SIGLECL1: variants seen among roughly 807,000 people sequenced by gnomAD.
SIGLECL1 encodes the protein SIGLEC family-like protein 1.
A neutral mutation model predicts 19.1 loss-of-function variants in SIGLECL1; 16 were observed. That is an observed-to-expected ratio of 0.84 (90% CI 0.57 to 1.27). The LOEUF is 1.27. Among genes scored for constraint, SIGLECL1 ranks in the 50% most tolerant of loss-of-function variants. The pLI is 0.00. For missense variants in SIGLECL1, 210 were observed against 239.4 expected, an observed-to-expected ratio of 0.88 and a Z score of 0.81; for synonymous variants, 89 against 90.4, an observed-to-expected ratio of 0.98 and a Z score of 0.09.
At chr19:51,252,410 C>G (rs273641) in intron 1 of SIGLECL1, among the ~76,000 whole-genome samples, 100,211 of 151,968 alleles carry the variant, frequency 0.66, 34,461 homozygotes, top group African/African-American at 0.85. Context: ...GAATTTTGTA[C>G]TTAAATGGAT....
At position 51,265,417 on chromosome 19, in the gene SIGLECL1, G is replaced by A. The variant is rs972802579; in HGVS notation, c.72G>A (p.Gln24=). 17 of 1,614,006 alleles carry A rather than the reference G, an allele frequency of 1.1e-5. No individual in the cohort carries two copies. In the African/African-American group the frequency reaches 2.0e-4, roughly 19 times the overall value. Residue 24 remains glutamine, a synonymous_variant, in exon 3 of 6, where the codon CAG becomes CAA. Transcript: ENST00000601727. The part of the protein sequence containing the change: ...NSSCSLEKTL[Q]CSCSFHGIPT... Reference sequence around the variant, plus strand: ...CTTGCTCCTTGGAGAAGACACTGCAGTGCAGCTGTTCCTTCCATGGGATTC... The same window carrying A: ...CTTGCTCCTTGGAGAAGACACTGCAATGCAGCTGTTCCTTCCATGGGATTC...
intron 5 of SIGLECL1, 127 bp downstream of exon 5, chr19:51,267,656 T>G: frequency 9.1e-7 from 1 of 1,103,604 alleles, no homozygotes. Flanking sequence ...AATGCTAGAG[T>G]GTGCTTTCAG....
upstream of SIGLECL1, among the ~76,000 whole-genome samples, chr19:51,246,727 A>C (rs1982272022): frequency 6.6e-6 from 1 of 152,132 alleles, no homozygotes; most frequent in Non-Finnish European, 1.5e-5. Flanking sequence ...CCCGTTTAGG[A>C]TTAAACAAGT....
intron 1 of SIGLECL1, among the ~76,000 whole-genome samples, chr19:51,255,396 A>G (rs369721816): frequency 6.6e-6 from 1 of 152,310 alleles, no homozygotes; most frequent in South Asian, 2.1e-4. Context: ...AGTTATTTGG[A>G]TATTTCTGCA....
At chr19:51,253,995 T>C (rs1407299505) in intron 1 of SIGLECL1, among the ~76,000 whole-genome samples, 1 of 152,138 alleles carries the variant, frequency 6.6e-6, no homozygotes, top group African/African-American at 2.4e-5. Context: ...AAAAAAGTAG[T>C]TAACAGTCAT....
At chr19:51,265,306 T>A in intron 2 of SIGLECL1, 62 bp from the exon 3 acceptor site, 1 of 1,525,756 alleles carries the variant, frequency 6.6e-7, no homozygotes, top group Non-Finnish European at 8.9e-7. Flanking sequence ...GGCTGCATGC[T>A]GGAGAAACTG....
rs551566574 is a variant in SIGLECL1 at position 51,265,504 on chromosome 19, C to A, written c.159C>A (p.Gly53=). Residue 53 remains glycine (G), a synonymous_variant, in exon 3 of 6, where the codon GGC becomes GGA. Transcript: ENST00000601727. ...CCGTGGGTGTGGATGGCATGGATGG[C>A]AGCCTCCAAGTGACTTCCACCATGC... The part of the protein sequence containing the change: ...GVPVGVDGMD[G]SLQVTSTMLG... 8.4e-5 allele frequency: 135 copies of A among 1,613,396 alleles called. 4 individuals are homozygous for A. In the South Asian group the frequency reaches 1.4e-3, roughly 17 times the overall value.
chr19:51,260,721 A>T (rs1983149969), intron 1 of SIGLECL1, among the ~76,000 whole-genome samples: 1 of 152,160 alleles, frequency 6.6e-6, no homozygotes, highest in South Asian at 2.1e-4. Context: ...CCAAGACTTG[A>T]TATATTGTCT....
intron 1 of SIGLECL1, among the ~76,000 whole-genome samples, chr19:51,254,757 C>T (rs1982702512): frequency 1.3e-5 from 2 of 152,032 alleles, no homozygotes; most frequent in Middle Eastern, 3.2e-3. Flanking sequence ...TATACTAAAA[C>T]TCCTAAATTG....
intron 1 of SIGLECL1, among the ~76,000 whole-genome samples, chr19:51,256,530 G>A (rs1320946665): frequency 6.6e-6 from 1 of 152,210 alleles, no homozygotes; most frequent in Non-Finnish European, 1.5e-5. Context: ...AGGGAAATGA[G>A]ATATTGATCA....
upstream of SIGLECL1, among the ~76,000 whole-genome samples, chr19:51,248,311 A>G (rs543075717): frequency 6.6e-6 from 1 of 152,154 alleles, no homozygotes; most frequent in Non-Finnish European, 1.5e-5. Flanking sequence ...AAACCAATCT[A>G]TGAGCCTTAT....
chr19:51,265,074 G>T (rs1233587846), intron 2 of SIGLECL1, among the ~76,000 whole-genome samples: 2 of 152,202 alleles, frequency 1.3e-5, no homozygotes. Context: ...GAGAAGCAGA[G>T]TAGGAGGTCT....
intron 1 of SIGLECL1, among the ~76,000 whole-genome samples, chr19:51,260,831 G>A (rs549168794): frequency 6.6e-6 from 1 of 152,288 alleles, no homozygotes; most frequent in Admixed American, 6.5e-5. Flanking sequence ...TTTGTCTTAT[G>A]ATCCAGCTGT....
Position 51,268,703 on chromosome 19 carries a change from G to A in SIGLECL1, c.*106G>A. ...AAACCCTGGAGGCTGTAATAAACCT[G>A]GAGCCCCCTGGACTCTCCTCAGCTC... On this transcript the variant is annotated 3_prime_UTR_variant, in exon 6 of 6. Transcript: ENST00000601727. 1 of 1,096,132 alleles carries A rather than the reference G, an allele frequency of 9.1e-7. No homozygotes were observed. The highest frequency in any genetic ancestry group is 2.3e-5 in the Admixed American group (1 of 43,446). 67.9% of individuals were successfully genotyped at this position (1,096,132 alleles called of 1,614,324 possible).
chr19:51,261,734 A>G (rs1427448202), intron 1 of SIGLECL1, among the ~76,000 whole-genome samples: 1 of 152,176 alleles, frequency 6.6e-6, no homozygotes, highest in Non-Finnish European at 1.5e-5. Context: ...TAGTTAAATC[A>G]CTGATGTATT....
At chr19:51,257,807 A>G (rs531603076) in intron 1 of SIGLECL1, 1 of 152,346 alleles carries the variant, frequency 6.6e-6, no homozygotes, top group African/African-American at 2.4e-5. Flanking sequence ...TATCAGCTCA[A>G]CTTCAGGAGG....
At chr19:51,254,036 C>T (rs1397688466) in intron 1 of SIGLECL1, among the ~76,000 whole-genome samples, 1 of 152,214 alleles carries the variant, frequency 6.6e-6, no homozygotes, top group East Asian at 1.9e-4. Flanking sequence ...AATTGATTCA[C>T]AGCAGGGCAC....
chr19:51,262,872 C>CTATG (rs140962847), intron 1 of SIGLECL1, among the ~76,000 whole-genome samples: 29,435 of 151,808 alleles, frequency 0.19, 4,847 homozygotes, highest in African/African-American at 0.41. Context: ...CTATGAATTA[C>CTATG]TATGTATGTA....
chr19:51,247,351 CAT>C (rs1232821378), upstream of SIGLECL1, among the ~76,000 whole-genome samples: 1 of 152,174 alleles, frequency 6.6e-6, no homozygotes, highest in African/African-American at 2.4e-5. Flanking sequence ...TCTGTATTCA[CAT>C]AGATACTTGA....
Sources: gnomAD v4.1 joint callset for allele counts (sites outside exome capture counted in the v4.1 genomes callset) on GRCh38, gnomAD v4.1.1 for gene constraint, MANE v1.5 for transcripts, NCBI Gene and HGNC (gene_info 2026-07-23, HGNC 2026-07-21) for gene names.